Variants in TMEM248 observed in about 807,000 individuals in gnomAD.
TMEM248 encodes the protein UPF0458 protein C7orf42.
In TMEM248, 9 loss-of-function variants were observed where a neutral mutation model predicts 30.3. The ratio of observed to expected loss-of-function variants is 0.30; its 90% confidence interval spans 0.18 to 0.52. TMEM248 has a LOEUF of 0.52. Among genes scored for constraint, TMEM248 ranks in the 20% least tolerant of loss-of-function variants. The probability of loss-of-function intolerance (pLI) is 0.97; values close to 1 mark genes in which losing one functional copy is unlikely to be tolerated. For missense variants in TMEM248, 338 were observed against 403.3 expected (o/e 0.84, Z 1.39); for synonymous variants, 184 against 154.4 (o/e 1.19, Z -1.42).
At chr7:66,945,913 G>A (rs1399519623) in intron 3 of TMEM248, among the ~76,000 whole-genome samples, 2 of 151,932 alleles carry the variant, frequency 1.3e-5, no homozygotes, top group Non-Finnish European at 2.9e-5. Flanking sequence ...GCAAAACCCC[G>A]TCTCTACTAA....
chr7:66,932,554 C>T (rs1341120337), intron 1 of TMEM248, among the ~76,000 whole-genome samples: 3 of 150,132 alleles, frequency 2.0e-5, no homozygotes, highest in African/African-American at 7.3e-5. Context: ...CTTAGTCTGA[C>T]ACCCAGGCTG....
intron 1 of TMEM248, among the ~76,000 whole-genome samples, chr7:66,939,783 T>C (rs10264873): frequency 0.15 from 23,043 of 149,682 alleles, 2,114 homozygotes; most frequent in East Asian, 0.28. Flanking sequence ...CCAAGGAAGG[T>C]GTGCAAAATC....
intron 1 of TMEM248, among the ~76,000 whole-genome samples, chr7:66,940,600 G>C (rs368636518): frequency 3.7e-4 from 56 of 152,186 alleles, no homozygotes; most frequent in African/African-American, 1.3e-3. Context: ...AGAATAGCAA[G>C]TCCAGTGTGG....
At position 66,951,081 on chromosome 7, in the gene TMEM248, C is replaced by T. The variant is rs373672647; in HGVS notation, c.726C>T (p.Ala242=). The T allele has an allele frequency of 6.2e-6, 10 of 1,608,794 alleles. No homozygotes were observed. The highest frequency in any genetic ancestry group is 2.7e-5 in the African/African-American group (2 of 74,632). Residue 242 remains alanine, a synonymous_variant, in exon 5 of 7, where the codon GCC becomes GCT. Coordinates refer to ENST00000341567, the MANE Select transcript of TMEM248 (RefSeq NM_017994.5). ...DYNPFWCYKG[A]IGKVYHALNP... is the part of the protein sequence containing the mutation. ...ATCCTTTCTGGTGTTATAAGGGGGC[C>T]ATTGGAAAAGTCTATCATGCTTTAA...
At chr7:66,941,282 G>T (rs1791942883) in intron 1 of TMEM248, among the ~76,000 whole-genome samples, 2 of 151,520 alleles carry the variant, frequency 1.3e-5, no homozygotes, top group African/African-American at 2.4e-5. Context: ...TTGGGAGGCT[G>T]ACGTGGGAGA....
At chr7:66,939,055 A>G (rs1196850768) in intron 1 of TMEM248, among the ~76,000 whole-genome samples, 1 of 152,222 alleles carries the variant, frequency 6.6e-6, no homozygotes, top group Non-Finnish European at 1.5e-5. Context: ...TTTCAGGGAG[A>G]TACCATTTAA....
At position 66,922,508 on chromosome 7, in the gene TMEM248, A is replaced by G. The variant is rs144853702; in HGVS notation, c.-19+1047A>G. Among the ~76,000 whole-genome samples, 541 of 152,142 alleles carry G rather than the reference A, an allele frequency of 3.6e-3. 7 individuals are homozygous for G. Among genetic ancestry groups the G allele is most frequent in the Admixed American group, 3.2e-3 (49 of 15,276 alleles). ...TTAGGTGTGCATTGACCCTAAGTGC[A>G]TTTACTCTCTAGGATTAAGGATTTG... is the stretch of plus-strand genomic sequence containing the variant. On this transcript the variant is annotated intron_variant, in intron 1 of 6. Coordinates refer to ENST00000341567, the MANE Select transcript of TMEM248 (RefSeq NM_017994.5).
chr7:66,951,359 CTGT>C, intron 5 of TMEM248: 2 of 403,880 alleles, frequency 5.0e-6, no homozygotes, highest in Non-Finnish European at 8.7e-6. Context: ...TTCATTTTCT[CTGT>C]TGTTCAGCAG....
intron 3 of TMEM248, 49 bp downstream of exon 3, chr7:66,945,310 C>G (rs756047877): frequency 1.1e-5 from 18 of 1,573,526 alleles, no homozygotes; most frequent in Admixed American, 8.7e-5. Flanking sequence ...ACCACTGTTA[C>G]AAAAAGAGGA....
At chr7:66,925,551 A>G (rs2129220089) in intron 1 of TMEM248, among the ~76,000 whole-genome samples, 1 of 152,220 alleles carries the variant, frequency 6.6e-6, no homozygotes, top group Middle Eastern at 3.4e-3. Context: ...CTCTTAGTAT[A>G]ACGTTCATCG....
intron 5 of TMEM248, 135 bp from the exon 6 acceptor site, chr7:66,953,091 A>G: frequency 1.1e-6 from 1 of 952,000 alleles, no homozygotes; most frequent in Admixed American, 2.5e-5. Context: ...AAAAGGAGAA[A>G]CCTCCTCTTG....
intron 1 of TMEM248, among the ~76,000 whole-genome samples, chr7:66,933,970 T>A (rs1195354056): frequency 1.3e-5 from 2 of 151,648 alleles, no homozygotes; most frequent in African/African-American, 4.8e-5. Flanking sequence ...TTTTTCTTTT[T>A]TTTTTTCCTA....
At chr7:66,951,181 C>T in intron 5 of TMEM248, 46 bp downstream of exon 5, 2 of 1,503,082 alleles carry the variant, frequency 1.3e-6, no homozygotes, top group Non-Finnish European at 8.9e-7. Context: ...CATGCATATG[C>T]ACATGTGTGC....
At chr7:66,932,548 G>A (rs891217147) in intron 1 of TMEM248, among the ~76,000 whole-genome samples, 6 of 148,484 alleles carry the variant, frequency 4.0e-5, no homozygotes, top group African/African-American at 1.5e-4. Context: ...TGGAGTCTTA[G>A]TCTGACACCC....
chr7:66,947,214 CA>C (rs565294304), intron 3 of TMEM248, among the ~76,000 whole-genome samples: 226 of 58,814 alleles, frequency 3.8e-3, no homozygotes, highest in South Asian at 9.4e-3. Context: ...GACCCTGTCT[CA>C]AAAAAAAAAA....
intron 1 of TMEM248, among the ~76,000 whole-genome samples, chr7:66,936,901 TA>T (rs1284398380): frequency 6.6e-5 from 10 of 152,178 alleles, no homozygotes; most frequent in African/African-American, 2.2e-4. Flanking sequence ...TGATCTTTTA[TA>T]TTTTTTTGTT....
At chr7:66,936,712 TC>T (rs1185211567) in intron 1 of TMEM248, among the ~76,000 whole-genome samples, 1 of 152,202 alleles carries the variant, frequency 6.6e-6, no homozygotes, top group Admixed American at 6.5e-5. Flanking sequence ...TAGGAATTCA[TC>T]CATTTCTTCT....
intron 1 of TMEM248, among the ~76,000 whole-genome samples, chr7:66,935,995 A>G (rs1251889927): frequency 3.9e-5 from 6 of 152,264 alleles, no homozygotes; most frequent in African/African-American, 1.4e-4. Context: ...ATATAAGATC[A>G]TACCATCTGC....
chr7:66,928,408 TG>T (rs1415621705), intron 1 of TMEM248, among the ~76,000 whole-genome samples: 1 of 152,130 alleles, frequency 6.6e-6, no homozygotes, highest in Non-Finnish European at 1.5e-5. Flanking sequence ...GCATGGCTTT[TG>T]GGGTCAGATG....
Sources: gnomAD v4.1 joint callset for allele counts (sites outside exome capture counted in the v4.1 genomes callset) on GRCh38, gnomAD v4.1.1 for gene constraint, MANE v1.5 for transcripts, NCBI Gene and HGNC (gene_info 2026-07-23, HGNC 2026-07-21) for gene names.